Variants in KIAA1217 observed in about 807,000 individuals in gnomAD.
KIAA1217 encodes the protein KIAA1217, also known as sickle tail protein homolog.
Under a neutral mutation model 163.9 loss-of-function variants are expected in KIAA1217, and 88 were observed. That is an observed-to-expected ratio of 0.54 (90% CI 0.45 to 0.64). The LOEUF is 0.64. Ranked by LOEUF, KIAA1217 falls within the 30% of genes least tolerant of loss-of-function variation. KIAA1217 has a pLI of 0.00. For missense variants in KIAA1217, 2,372 were observed against 2,475.0 expected (o/e 0.96, Z 0.88); for synonymous variants, 903 against 923.1 (o/e 0.98, Z 0.39).
chr10:24,475,997 C>T (rs2063990337), intron 6 of KIAA1217, among the ~76,000 whole-genome samples: 1 of 152,118 alleles, frequency 6.6e-6, no homozygotes, highest in Admixed American at 6.5e-5. Flanking sequence ...ATCCTACCTC[C>T]CACACTGACC....
chr10:24,224,271 A>C (rs1209549817), intron 2 of KIAA1217, among the ~76,000 whole-genome samples: 1 of 152,178 alleles, frequency 6.6e-6, no homozygotes, highest in African/African-American at 2.4e-5. Flanking sequence ...GGGACTCATC[A>C]GGATCCAGCC....
At chr10:24,383,462 G>A (rs188844236) in intron 3 of KIAA1217, among the ~76,000 whole-genome samples, 27 of 152,324 alleles carry the variant, frequency 1.8e-4, no homozygotes, top group Non-Finnish European at 3.4e-4. Flanking sequence ...AGCTGGGGCC[G>A]GCTTGCCCAA....
intron 2 of KIAA1217, among the ~76,000 whole-genome samples, chr10:24,027,449 C>T (rs1848006861): frequency 6.6e-6 from 1 of 152,060 alleles, no homozygotes. Flanking sequence ...CTACCATTGC[C>T]AGAAACAAGT....
At chr10:23,956,366 T>C (rs1463202417) in intron 1 of KIAA1217, among the ~76,000 whole-genome samples, 2 of 152,106 alleles carry the variant, frequency 1.3e-5, no homozygotes, top group African/African-American at 4.8e-5. Flanking sequence ...TAGGAATTGC[T>C]AGCTGTCCTT....
At chr10:24,264,507 A>C (rs1409245967) in intron 2 of KIAA1217, among the ~76,000 whole-genome samples, 1 of 152,166 alleles carries the variant, frequency 6.6e-6, no homozygotes, top group African/African-American at 2.4e-5. Flanking sequence ...AGGAAAAAGA[A>C]AAGAAAAAAT....
intron 2 of KIAA1217, among the ~76,000 whole-genome samples, chr10:24,349,150 AAAAGAG>A (rs989286516): frequency 1.3e-5 from 2 of 151,762 alleles, no homozygotes; most frequent in African/African-American, 4.8e-5. Flanking sequence ...AAAAAAAAAA[AAAAGAG>A]AGATTGAGAT....
intron 2 of KIAA1217, among the ~76,000 whole-genome samples, chr10:24,046,744 G>A (rs1229264304): frequency 6.6e-6 from 1 of 152,154 alleles, no homozygotes; most frequent in African/African-American, 2.4e-5. Flanking sequence ...TGGCAACATA[G>A]AGCCAAACCA....
intron 1 of KIAA1217, among the ~76,000 whole-genome samples, chr10:23,839,918 A>G (rs1404550917): frequency 6.6e-6 from 1 of 152,150 alleles, no homozygotes; most frequent in East Asian, 1.9e-4. Flanking sequence ...AAAGAAGGGC[A>G]TACTTTTAAT....
At chr10:24,114,804 C>G (rs1337981748) in intron 2 of KIAA1217, among the ~76,000 whole-genome samples, 1 of 152,204 alleles carries the variant, frequency 6.6e-6, no homozygotes, top group Non-Finnish European at 1.5e-5. Flanking sequence ...ACCTCCTCAT[C>G]AATCCTGACA....
At chr10:24,366,030 C>T (rs2050734314) in intron 2 of KIAA1217, among the ~76,000 whole-genome samples, 1 of 152,124 alleles carries the variant, frequency 6.6e-6, no homozygotes, top group Non-Finnish European at 1.5e-5. Flanking sequence ...AGCTATGGCA[C>T]CCCACTGGCA....
chr10:23,874,815 G>T (rs1044935683), intron 1 of KIAA1217, among the ~76,000 whole-genome samples: 1 of 151,948 alleles, frequency 6.6e-6, no homozygotes, highest in African/African-American at 2.4e-5. Context: ...TACAGAAAGG[G>T]TATTTGTCTT....
rs114995752 is a variant in KIAA1217, at chr10:24,512,891, T to C, written c.2002-368T>C. ...AAATAATGGGCCCAAAGTCTCACAG[T>C]GGGCTAGAGAGAGAGTATGGGATTA... On this transcript the variant is annotated intron_variant, in intron 9 of 20. Transcript: ENST00000376454. Among the ~76,000 whole-genome samples, 506 of 152,308 alleles carry C rather than the reference T, an allele frequency of 3.3e-3. 2 individuals are homozygous for C. Among genetic ancestry groups the C allele is most frequent in the African/African-American group, 0.012 (493 of 41,560 alleles).
intron 10 of KIAA1217, among the ~76,000 whole-genome samples, chr10:24,515,647 A>T (rs990256480): frequency 1.3e-4 from 20 of 152,302 alleles, no homozygotes; most frequent in Admixed American, 8.5e-4. Context: ...CGAACAGGGG[A>T]TTTACAGGTA....
chr10:23,904,613 T>C (rs1204943372), intron 1 of KIAA1217, among the ~76,000 whole-genome samples: 1 of 152,114 alleles, frequency 6.6e-6, no homozygotes. Flanking sequence ...AAACCATGCA[T>C]TGGTTCTTGA....
chr10:24,431,829 C>G (rs2059625259), intron 3 of KIAA1217, among the ~76,000 whole-genome samples: 1 of 152,158 alleles, frequency 6.6e-6, no homozygotes, highest in Non-Finnish European at 1.5e-5. Context: ...CACTGGGGCC[C>G]ACATACCCCC....
chr10:24,229,472 C>T (rs1393712130), intron 2 of KIAA1217, among the ~76,000 whole-genome samples: 1 of 152,156 alleles, frequency 6.6e-6, no homozygotes, highest in African/African-American at 2.4e-5. Context: ...GAACTAATGA[C>T]TGAATATGAG....
In KIAA1217 at chr10:23,704,184, A is replaced by G. The variant is rs1178028903; in HGVS notation, c.-321+8950A>G. 6.0e-3 allele frequency among the ~76,000 whole-genome samples: 647 copies of G among 106,992 alleles called. 6 individuals are homozygous for G. Among genetic ancestry groups the G allele is most frequent in the African/African-American group, 0.024 (507 of 21,038 alleles). 70.2% of individuals were successfully genotyped at this position (106,992 alleles called of 152,430 possible). Reference sequence around the variant, plus strand: ...TGTGTGTGTGTGTGTATATATATATATATATATATATATATATATATATAT... The same window carrying G: ...TGTGTGTGTGTGTGTATATATATATGTATATATATATATATATATATATAT... On this transcript the variant is annotated intron_variant, in intron 1 of 18. Coordinates refer to the KIAA1217 transcript ENST00000376462.
chr10:24,074,537 T>C (rs1455442776), intron 2 of KIAA1217, among the ~76,000 whole-genome samples: 1 of 152,126 alleles, frequency 6.6e-6, no homozygotes, highest in Non-Finnish European at 1.5e-5. Context: ...CTGTTTTTTG[T>C]TACATAAAAA....
intron 6 of KIAA1217, among the ~76,000 whole-genome samples, chr10:24,483,667 C>CA (rs1242588543): frequency 6.6e-6 from 1 of 152,074 alleles, no homozygotes; most frequent in East Asian, 1.9e-4. Flanking sequence ...CTCAAGAGAC[C>CA]ATCTCTCCTG....
Sources: allele counts gnomAD v4.1 joint callset (sites outside exome capture counted in the v4.1 genomes callset), GRCh38; gene constraint gnomAD v4.1.1; transcripts MANE v1.5; gene names NCBI Gene and HGNC (gene_info 2026-07-23, HGNC 2026-07-21).